ATP7B: variants seen among roughly 807,000 people sequenced by gnomAD.
ATP7B encodes the protein copper-transporting ATPase 2.
A neutral mutation model predicts 118.9 loss-of-function variants in ATP7B; 113 were observed. The observed-to-expected ratio is 0.95, with a 90% CI of 0.82 to 1.11. The LOEUF is 1.11. ATP7B is among the 50% of genes most tolerant of loss of function. The pLI is 0.00. For synonymous variants in ATP7B, 777 were observed against 727.4 expected (o/e 1.07, Z -1.10); for missense variants, 1,867 against 1,871.4 (o/e 1.00, Z 0.04).
At chr13:51,959,781 A>C in intron 7 of ATP7B, 1 of 327,762 alleles carries the variant, frequency 3.1e-6, no homozygotes, top group Non-Finnish European at 5.9e-6. Flanking sequence ...CTCAAGGGTG[A>C]TCCAGTTGTT....
intron 1 of ATP7B, among the ~76,000 whole-genome samples, chr13:51,976,210 A>C (rs1207669142): frequency 6.6e-6 from 1 of 152,204 alleles, no homozygotes; most frequent in East Asian, 1.9e-4. Flanking sequence ...ACATCATAAA[A>C]AAGCACATTT....
intron 6 of ATP7B, 88 bp downstream of exon 6, chr13:51,961,749 G>T: frequency 7.7e-7 from 1 of 1,292,004 alleles, no homozygotes; most frequent in South Asian, 1.2e-5. Flanking sequence ...AGGCACCATG[G>T]GAAGACAAGA....
chr13:52,011,514 C>G (rs1215483748), upstream of ATP7B: 3 of 745,688 alleles, frequency 4.0e-6, no homozygotes, highest in African/African-American at 1.7e-5. Flanking sequence ...CATTTGGGAC[C>G]GGGGAAGCCG....
chr13:51,935,153 T>G (rs1956883915), intron 20 of ATP7B, 124 bp from the exon 21 acceptor site: 5 of 1,371,348 alleles, frequency 3.6e-6, no homozygotes, highest in Non-Finnish European at 5.0e-6. Flanking sequence ...CTCAAGAGTT[T>G]CCAAGGAAAA....
At chr13:51,973,899 G>A (rs1296451559) in intron 2 of ATP7B, 36 bp downstream of exon 2, 2 of 1,613,828 alleles carry the variant, frequency 1.2e-6, no homozygotes, top group Non-Finnish European at 1.7e-6. Context: ...GAGAAAAGGA[G>A]ACAAGCTCAG....
At chr13:51,947,114 C>A (rs375106799) in intron 12 of ATP7B, among the ~76,000 whole-genome samples, 1 of 152,144 alleles carries the variant, frequency 6.6e-6, no homozygotes, top group East Asian at 1.9e-4. Flanking sequence ...TAATGGGATA[C>A]GAGGCAACTA....
At chr13:52,007,026 G>A (rs947254820) in intron 1 of ATP7B, among the ~76,000 whole-genome samples, 2 of 152,268 alleles carry the variant, frequency 1.3e-5, no homozygotes, top group African/African-American at 4.8e-5. Flanking sequence ...GCTCCATAAT[G>A]TTTGTGGACT....
intron 1 of ATP7B, among the ~76,000 whole-genome samples, chr13:51,993,543 T>A (rs1170918830): frequency 6.6e-6 from 1 of 151,988 alleles, no homozygotes; most frequent in Non-Finnish European, 1.5e-5. Flanking sequence ...AGCCTCGGCA[T>A]CAGCAAGAGA....
intron 1 of ATP7B, among the ~76,000 whole-genome samples, chr13:52,006,233 A>C (rs1687439342): frequency 6.6e-6 from 1 of 152,224 alleles, no homozygotes; most frequent in African/African-American, 2.4e-5. Context: ...TACTTCCTCG[A>C]TATCTATGCT....
At chr13:51,976,979 T>A (rs555399819) in intron 1 of ATP7B, among the ~76,000 whole-genome samples, 3 of 152,116 alleles carry the variant, frequency 2.0e-5, no homozygotes, top group Non-Finnish European at 1.5e-5. Context: ...CTACACTAAA[T>A]TTATAAAAAA....
intron 9 of ATP7B, among the ~76,000 whole-genome samples, chr13:51,951,122 GGA>G (rs1352069102): frequency 1.3e-5 from 2 of 152,000 alleles, no homozygotes; most frequent in African/African-American, 2.4e-5. Context: ...GGAGTGAGGG[GGA>G]GAGTCAGGCT....
chr13:51,997,229 T>A lies in ATP7B; in HGVS notation c.51+14058A>T, dbSNP rs577809610. On this transcript the variant is annotated intron_variant, in intron 1 of 20. Transcript: ENST00000242839. Reference sequence around the variant, plus strand: ...AGTAGATTTTCCAGGTAACTGAAGCTCATCGCTTTGAGCATTAGATTTTTT... The same window carrying A: ...AGTAGATTTTCCAGGTAACTGAAGCACATCGCTTTGAGCATTAGATTTTTT... Among the ~76,000 whole-genome samples the A allele has an allele frequency of 8.1e-4, 123 of 152,378 alleles. 1 individual carries two copies. The highest frequency in any genetic ancestry group is 2.9e-3 in the African/African-American group (119 of 41,592).
chr13:51,991,962 C>T (rs777043475), intron 1 of ATP7B, among the ~76,000 whole-genome samples: 6 of 152,062 alleles, frequency 3.9e-5, no homozygotes, highest in South Asian at 2.1e-4. Flanking sequence ...GAGGAGCGGG[C>T]GGAAATGTGC....
At chr13:51,948,683 A>C (rs1313896002) in intron 12 of ATP7B, among the ~76,000 whole-genome samples, 1 of 152,132 alleles carries the variant, frequency 6.6e-6, no homozygotes, top group Non-Finnish European at 1.5e-5. Flanking sequence ...ACAGCTGCCA[A>C]CTGAGAATCA....
In ATP7B at chr13:51,932,828, G is replaced by A. The variant is rs1044827891; in HGVS notation, c.*1928C>T. The stretch of plus-strand genomic sequence containing the variant: ...TTCCATGTCCATATATGAACACAAC[G>A]TTTATGGTCCTAAAAGTTTTAAAAA... On this transcript the variant is annotated 3_prime_UTR_variant, in exon 21 of 21. Transcript: ENST00000242839. 15 of 151,934 alleles carry A rather than the reference G, an allele frequency of 9.9e-5. No homozygotes were observed. The highest frequency in any genetic ancestry group is 3.4e-4 in the African/African-American group (14 of 41,336). 9.4% of individuals were successfully genotyped at this position (151,934 alleles called of 1,614,324 possible).
chr13:51,943,076 G>A (rs1055909658), intron 14 of ATP7B, among the ~76,000 whole-genome samples: 1 of 152,196 alleles, frequency 6.6e-6, no homozygotes, highest in Non-Finnish European at 1.5e-5. Flanking sequence ...GGAATGGCTG[G>A]GGTTTCTGGA....
chr13:51,942,768 T>C (rs962259937), intron 14 of ATP7B, among the ~76,000 whole-genome samples: 1 of 152,154 alleles, frequency 6.6e-6, no homozygotes, highest in African/African-American at 2.4e-5. Context: ...TTGGTAAAGA[T>C]ATTATAGCTG....
rs565717791 is a variant in ATP7B at position 51,950,154 on chromosome 13, G to A, written c.2583C>T (p.Ala861=). The change falls in exon 11 of 21, where the codon GCC becomes GCT. Residue 861 remains alanine, a synonymous_variant. Transcript: ENST00000242839. ...MADESLITGE[A]MPVTKKPGST... is the part of the protein sequence containing the mutation. Reference sequence around the variant, plus strand: ...TTCCGGGTTTCTTAGTGACTGGCATGGCTTCTCCTAGACGTAGGAAAGAGA... The same window carrying A: ...TTCCGGGTTTCTTAGTGACTGGCATAGCTTCTCCTAGACGTAGGAAAGAGA... 109 of 1,614,162 alleles carry A rather than the reference G, an allele frequency of 6.8e-5. No homozygotes were observed. The East Asian group carries it at 2.2e-3, about 32-fold the overall frequency.
At position 51,934,949 on chromosome 13, in the gene ATP7B, A is replaced by G; in HGVS notation, c.4205T>C (p.Val1402Ala). 2 of 1,614,090 alleles carry G rather than the reference A, an allele frequency of 1.2e-6. No homozygotes were observed. The highest frequency in any genetic ancestry group is 1.7e-6 in the Non-Finnish European group (2 of 1,180,036). The change falls in exon 21 of 21, where the codon GTG becomes GCG. Residue 1402 changes from valine to alanine, a missense_variant. By Grantham distance (64) the Val-to-Ala change is moderately conservative. Coordinates refer to ENST00000242839, the MANE Select transcript of ATP7B (RefSeq NM_000053.4). ...MKPLTASQVS[V>A]HIGMDDRWRD... ...CCACCTGTCATCCATGCCTATGTGC[A>G]CACTGACCTGGGATGCCGTCAGGGG...
Sources: gnomAD v4.1 joint callset for allele counts (sites outside exome capture counted in the v4.1 genomes callset) on GRCh38, gnomAD v4.1.1 for gene constraint, MANE v1.5 for transcripts, NCBI Gene and HGNC (gene_info 2026-07-23, HGNC 2026-07-21) for gene names.